The following SLC22A25 variants were observed in gnomAD, a reference collection of about 807,000 sequenced individuals.
SLC22A25 encodes solute carrier family 22 member 25.
Under a neutral mutation model 45.9 loss-of-function variants are expected in SLC22A25, and 44 were observed. The ratio of observed to expected loss-of-function variants is 0.96; its 90% CI spans 0.75 to 1.23. The LOEUF (loss-of-function observed/expected upper bound fraction) is 1.23. SLC22A25 is among the 50% of genes most tolerant of loss of function. The pLI is 0.00. For missense variants in SLC22A25, 800 were observed against 666.4 expected, an observed-to-expected ratio of 1.20 and a Z score of -2.21; for synonymous variants, 283 against 238.6, an observed-to-expected ratio of 1.19 and a Z score of -1.72.
rs1277057873 is a variant in SLC22A25, at chr11:63,161,977, A to T, written c.*1847T>A. ...TATCAGCCATTTTAACTGAGGTAAG[A>T]TGAGATCTCATTGTAGTTTTGATTT... On this transcript the variant is annotated 3_prime_UTR_variant, in exon 12 of 12. Coordinates refer to ENST00000306494, the MANE Select transcript of SLC22A25 (RefSeq NM_199352.6). Among the ~76,000 whole-genome samples, 9 of 152,162 alleles carry T rather than the reference A, an allele frequency of 5.9e-5. No homozygotes were observed. Among genetic ancestry groups the T allele is most frequent in the Non-Finnish European group, 1.3e-4 (9 of 68,022 alleles).
At chr11:63,236,322 C>G (rs957709446) in intron 3 of SLC22A25, among the ~76,000 whole-genome samples, 6 of 152,168 alleles carry the variant, frequency 3.9e-5, no homozygotes, top group African/African-American at 1.4e-4. Flanking sequence ...CTTTGTTTAC[C>G]TACTCAAGCC....
chr11:63,174,299 C>T (rs2088005657), intron 9 of SLC22A25, among the ~76,000 whole-genome samples: 1 of 152,140 alleles, frequency 6.6e-6, no homozygotes, highest in African/African-American at 2.4e-5. Flanking sequence ...TCTAGTCTAT[C>T]AAGGTTGGAT....
At chr11:63,231,421 A>G (rs189759626) in intron 3 of SLC22A25, among the ~76,000 whole-genome samples, 73 of 152,206 alleles carry the variant, frequency 4.8e-4, no homozygotes, top group Non-Finnish European at 1.6e-4. Context: ...GCATTTTTTC[A>G]TGTGTCTTTT....
intron 8 of SLC22A25, among the ~76,000 whole-genome samples, chr11:63,183,317 T>C (rs1253511775): frequency 6.6e-6 from 1 of 152,278 alleles, no homozygotes; most frequent in East Asian, 1.9e-4. Flanking sequence ...TGTTCTATTC[T>C]GTTTGCTCCC....
chr11:63,217,208 A>G (rs1590886974), intron 7 of SLC22A25, 106 bp downstream of exon 7: 2 of 1,286,012 alleles, frequency 1.6e-6, no homozygotes, highest in Non-Finnish European at 2.1e-6. Context: ...GATTAGGAGA[A>G]TGTACTCAAG....
intron 3 of SLC22A25, among the ~76,000 whole-genome samples, chr11:63,232,363 G>T (rs2090085499): frequency 1.3e-5 from 2 of 152,194 alleles, no homozygotes; most frequent in South Asian, 4.2e-4. Flanking sequence ...CTTTTAAGTT[G>T]GATTCCTAGG....
rs78244662 is a variant in SLC22A25 at position 63,216,623 on chromosome 11, A to G, written c.830+691T>C. Among the ~76,000 whole-genome samples the G allele has an allele frequency of 1.2e-3, 178 of 152,322 alleles. 5 individuals carry two copies. In the East Asian group the frequency reaches 0.03, roughly 25 times the overall value. ...TTATACTTAGCAAACTAAATGCTGGAACAGAAAACCAAATACCACATGTTC... is the reference window on the plus strand; with the variant it reads ...TTATACTTAGCAAACTAAATGCTGGGACAGAAAACCAAATACCACATGTTC... On this transcript the variant is annotated intron_variant, in intron 7 of 11. Transcript: ENST00000306494.
At chr11:63,172,471 G>A (rs866720597) in intron 9 of SLC22A25, among the ~76,000 whole-genome samples, 1 of 152,038 alleles carries the variant, frequency 6.6e-6, no homozygotes, top group Admixed American at 6.6e-5. Flanking sequence ...CAAAAAGTGG[G>A]CAAATGATGT....
intron 5 of SLC22A25, among the ~76,000 whole-genome samples, chr11:63,228,114 C>G (rs1384624086): frequency 6.6e-6 from 1 of 152,210 alleles, no homozygotes; most frequent in Non-Finnish European, 1.5e-5. Context: ...TATGAAGGTG[C>G]ATTTTTGTGT....
chr11:63,198,825 A>G (rs933811820), intron 7 of SLC22A25, among the ~76,000 whole-genome samples: 2 of 152,196 alleles, frequency 1.3e-5, no homozygotes, highest in Non-Finnish European at 2.9e-5. Context: ...TAAGGAAATT[A>G]TGGCAGAAAT....
At chr11:63,180,121 T>C (rs1038582477) in intron 9 of SLC22A25, among the ~76,000 whole-genome samples, 1 of 152,156 alleles carries the variant, frequency 6.6e-6, no homozygotes, top group African/African-American at 2.4e-5. Context: ...TACAATGTCT[T>C]GTCTCAGTTT....
intron 5 of SLC22A25, among the ~76,000 whole-genome samples, chr11:63,225,085 C>T (rs771610689): frequency 3.9e-4 from 59 of 151,896 alleles, no homozygotes; most frequent in Non-Finnish European, 7.4e-4. Flanking sequence ...GGTGACAGAG[C>T]AAGACTCCGT....
rs150333434 is a variant in SLC22A25 at position 63,218,484 on chromosome 11, C to T, written c.507-749G>A. 3.0e-4 allele frequency among the ~76,000 whole-genome samples: 45 copies of T among 152,244 alleles called. 1 individual carries two copies. Among genetic ancestry groups the T allele is most frequent in the African/African-American group, 1.1e-3 (44 of 41,540 alleles). ...TATTCATGTAACAAACCTGCACATG[C>T]ACACCTTGAATCTAAAATAAAAGTT... On this transcript the variant is annotated intron_variant, in intron 5 of 11. Coordinates refer to ENST00000306494, the MANE Select transcript of SLC22A25 (RefSeq NM_199352.6).
intron 7 of SLC22A25, among the ~76,000 whole-genome samples, chr11:63,198,523 G>A (rs1282409989): frequency 6.6e-6 from 1 of 152,080 alleles, no homozygotes; most frequent in Non-Finnish European, 1.5e-5. Context: ...CGAACAATGA[G>A]AACACTTGGA....
chr11:63,230,689 T>G (rs1043186656), intron 3 of SLC22A25, among the ~76,000 whole-genome samples: 25 of 152,234 alleles, frequency 1.6e-4, no homozygotes, highest in African/African-American at 5.8e-4. Context: ...CTAGGGTACA[T>G]GTGCACAACG....
chr11:63,240,068 G>A (rs1318403456), intron 1 of SLC22A25, among the ~76,000 whole-genome samples: 1 of 152,130 alleles, frequency 6.6e-6, no homozygotes, highest in Middle Eastern at 3.2e-3. Flanking sequence ...ATATGGTATA[G>A]CCTATTGCTC....
chr11:63,216,422 C>A (rs551570149), intron 7 of SLC22A25, among the ~76,000 whole-genome samples: 1 of 152,134 alleles, frequency 6.6e-6, no homozygotes, highest in African/African-American at 2.4e-5. Flanking sequence ...CATATGCACA[C>A]GTATGTTCAT....
At chr11:63,200,026 C>G (rs2089189075) in intron 7 of SLC22A25, among the ~76,000 whole-genome samples, 1 of 151,600 alleles carries the variant, frequency 6.6e-6, no homozygotes, top group Admixed American at 6.6e-5. Context: ...ACATAACAAC[C>G]AAAAAAAGCC....
At chr11:63,180,117 G>A (rs1298486831) in intron 9 of SLC22A25, among the ~76,000 whole-genome samples, 4 of 152,138 alleles carry the variant, frequency 2.6e-5, no homozygotes, top group Non-Finnish European at 4.4e-5. Context: ...GCATTACAAT[G>A]TCTTGTCTCA....
Sources: allele counts gnomAD v4.1 joint callset (sites outside exome capture counted in the v4.1 genomes callset), GRCh38; gene constraint gnomAD v4.1.1; transcripts MANE v1.5; gene names NCBI Gene and HGNC (gene_info 2026-07-23, HGNC 2026-07-21).